The following LARGE1 variants were observed in gnomAD, a reference collection of about 807,000 sequenced individuals.
LARGE1 encodes xylosyl- and glucuronyltransferase LARGE1.
In LARGE1, 43 loss-of-function variants were observed where a neutral mutation model predicts 87.6. That is an observed-to-expected ratio of 0.49 (90% CI 0.38 to 0.63). The LOEUF (loss-of-function observed/expected upper bound fraction) is 0.63, where lower values mean the gene tolerates loss of function less well. Among genes scored for constraint, LARGE1 ranks in the 30% least tolerant of loss-of-function variants. LARGE1 has a pLI of 0.00. For synonymous variants in LARGE1, 434 were observed against 394.6 expected, an observed-to-expected ratio of 1.10 and a Z score of -1.18; for missense variants, 802 against 1,000.2, an observed-to-expected ratio of 0.80 and a Z score of 2.67.
rs907305000 is a variant in LARGE1 at position 33,797,175 on chromosome 22, T to C, written c.-82-35617A>G. On this transcript the variant is annotated intron_variant, in intron 1 of 14. Coordinates refer to ENST00000397394, the MANE Select transcript of LARGE1 (RefSeq NM_133642.5). ...TGATGGACCCGTGAATGGCTAGGTA[T>C]GTAAGTTGGCACAGAAGCAAGCAGA... Among the ~76,000 whole-genome samples, 10 of 152,194 alleles carry C rather than the reference T, an allele frequency of 6.6e-5. No homozygotes were observed. The East Asian group carries it at 1.9e-3, about 29-fold the overall frequency.
At chr22:33,334,268 G>A (rs1240587451) in intron 10 of LARGE1, among the ~76,000 whole-genome samples, 2 of 152,026 alleles carry the variant, frequency 1.3e-5, no homozygotes, top group South Asian at 2.1e-4. Context: ...ACAAAAATTA[G>A]CTGGGCATGG....
At chr22:33,666,014 A>C (rs563466679) in intron 2 of LARGE1, among the ~76,000 whole-genome samples, 31 of 152,324 alleles carry the variant, frequency 2.0e-4, no homozygotes, top group African/African-American at 7.5e-4. Flanking sequence ...CTCCAAAAAA[A>C]ACCTCGATTT....
intron 6 of LARGE1, among the ~76,000 whole-genome samples, chr22:33,472,823 A>G (rs1239923863): frequency 1.3e-5 from 2 of 152,212 alleles, no homozygotes; most frequent in African/African-American, 4.8e-5. Context: ...TTTTACCAAG[A>G]GCTGCTCGTC....
At chr22:33,835,975 A>AT (rs1470448383) in intron 1 of LARGE1, among the ~76,000 whole-genome samples, 2 of 152,236 alleles carry the variant, frequency 1.3e-5, no homozygotes, top group African/African-American at 4.8e-5. Flanking sequence ...CTCTGAACCC[A>AT]TAAATGGGAT....
intron 6 of LARGE1, among the ~76,000 whole-genome samples, chr22:33,501,284 C>G (rs1454665652): frequency 6.6e-6 from 1 of 152,106 alleles, no homozygotes; most frequent in Non-Finnish European, 1.5e-5. Context: ...GGCAGAGGGG[C>G]TGGGGAAAGG....
chr22:33,522,372 T>C (rs1220297797), intron 6 of LARGE1, among the ~76,000 whole-genome samples: 2 of 152,318 alleles, frequency 1.3e-5, no homozygotes, highest in East Asian at 3.9e-4. Context: ...ACAGAATGTG[T>C]TACCAAACTT....
At chr22:33,191,330 T>C (rs1306630975) in intron 11 of LARGE1, among the ~76,000 whole-genome samples, 2 of 152,208 alleles carry the variant, frequency 1.3e-5, no homozygotes, top group African/African-American at 4.8e-5. Context: ...ATTAGAACCA[T>C]TGACAGAGAC....
chr22:33,283,581 C>T (rs1930906118), intron 12 of LARGE1, among the ~76,000 whole-genome samples: 1 of 152,128 alleles, frequency 6.6e-6, no homozygotes, highest in Non-Finnish European at 1.5e-5. Flanking sequence ...TTGAGACCAG[C>T]CTGGCCAACA....
chr22:33,908,291 C>T lies in LARGE1; in HGVS notation c.-83+11704G>A, dbSNP rs1009685351. 7.2e-5 allele frequency among the ~76,000 whole-genome samples: 11 copies of T among 152,220 alleles called. No homozygotes were observed. In the East Asian group the frequency reaches 1.4e-3, roughly 19 times the overall value. ...GCTCTCTAGCAAAACAGTCAGGTTA[C>T]GGCGCAGAAAGTGCAGCTGCAGAAG... On this transcript the variant is annotated intron_variant, in intron 1 of 14. Transcript: ENST00000397394.
the LARGE1 span, among the ~76,000 whole-genome samples, chr22:33,092,131 C>A: frequency 6.6e-6 from 1 of 152,186 alleles, no homozygotes; most frequent in Non-Finnish European, 1.5e-5. Flanking sequence ...AACTCCTGAC[C>A]TCATGATCCA....
At chr22:33,663,100 C>A (rs1022884504) in intron 2 of LARGE1, among the ~76,000 whole-genome samples, 5 of 152,058 alleles carry the variant, frequency 3.3e-5, no homozygotes, top group Admixed American at 3.3e-4. Flanking sequence ...TCCAAACCAT[C>A]CCTTAGGAGA....
At chr22:33,387,197 C>G (rs1306899163) in intron 7 of LARGE1, among the ~76,000 whole-genome samples, 13 of 147,832 alleles carry the variant, frequency 8.8e-5, no homozygotes, top group African/African-American at 3.2e-4. Context: ...GGCCAAGGTG[C>G]ACAGATCATC....
chr22:33,313,930 C>T (rs1288128639), intron 11 of LARGE1, among the ~76,000 whole-genome samples: 2 of 152,180 alleles, frequency 1.3e-5, no homozygotes, highest in African/African-American at 4.8e-5. Flanking sequence ...TACTTTGTCA[C>T]CTAACAACAG....
At chr22:33,398,384 C>T (rs894777121) in intron 7 of LARGE1, among the ~76,000 whole-genome samples, 1 of 152,152 alleles carries the variant, frequency 6.6e-6, no homozygotes, top group Admixed American at 6.5e-5. Context: ...ACTCCCCCAA[C>T]CTTTCCTCCT....
Position 33,342,626 on chromosome 22 carries a change from T to A in LARGE1, c.1132-4825A>T, listed in dbSNP as rs148098557. On this transcript the variant is annotated intron_variant, in intron 9 of 14. Coordinates refer to ENST00000397394, the MANE Select transcript of LARGE1 (RefSeq NM_133642.5). Reference sequence around the variant, plus strand: ...AGAAATGAGTCTGCCCAACATCACATGGTGAGTCTGTGCCAAGTCAGGGTT... The same window carrying A: ...AGAAATGAGTCTGCCCAACATCACAAGGTGAGTCTGTGCCAAGTCAGGGTT... Among the ~76,000 whole-genome samples the A allele has an allele frequency of 2.6e-3, 392 of 152,308 alleles. 4 individuals are homozygous for A. Among genetic ancestry groups the A allele is most frequent in the African/African-American group, 8.4e-3 (349 of 41,566 alleles).
intron 1 of LARGE1, among the ~76,000 whole-genome samples, chr22:33,917,575 G>A (rs1171146239): frequency 6.6e-6 from 1 of 152,222 alleles, no homozygotes; most frequent in Admixed American, 6.5e-5. Flanking sequence ...CAGGGAATAT[G>A]CAGTCAAAAA....
chr22:33,915,585 GT>G (rs2065763196), intron 1 of LARGE1, among the ~76,000 whole-genome samples: 1 of 152,160 alleles, frequency 6.6e-6, no homozygotes, highest in South Asian at 2.1e-4. Context: ...ATTGCTAATA[GT>G]TTTTTAAAGA....
At chr22:33,307,124 G>A (rs940855839) in intron 11 of LARGE1, among the ~76,000 whole-genome samples, 2 of 152,136 alleles carry the variant, frequency 1.3e-5, no homozygotes, top group Non-Finnish European at 2.9e-5. Context: ...AATAATGATG[G>A]TAATATTTAA....
intron 1 of LARGE1, among the ~76,000 whole-genome samples, chr22:33,812,811 A>C (rs1243999347): frequency 2.0e-5 from 3 of 152,342 alleles, no homozygotes; most frequent in African/African-American, 7.2e-5. Flanking sequence ...CTATGCCCTG[A>C]CAACACGCCA....
Sources: gnomAD v4.1 joint callset for allele counts (sites outside exome capture counted in the v4.1 genomes callset) on GRCh38, gnomAD v4.1.1 for gene constraint, MANE v1.5 for transcripts, NCBI Gene and HGNC (gene_info 2026-07-23, HGNC 2026-07-21) for gene names.